The following CACNA1E variants were observed in gnomAD, a reference collection of about 807,000 sequenced individuals.
CACNA1E encodes voltage-dependent R-type calcium channel subunit alpha-1E.
CACNA1E carries 40 observed loss-of-function variants against 259.2 expected under a neutral mutation model. The observed-to-expected ratio is 0.15, with a 90% CI of 0.12 to 0.20. The LOEUF is 0.20. Ranked by LOEUF, CACNA1E falls within the 10% of genes least tolerant of loss-of-function variation. The pLI, the probability that CACNA1E is intolerant of heterozygous loss-of-function variation, is 1.00. For missense variants in CACNA1E, 1,874 were observed against 3,040.1 expected (o/e 0.62, Z 9.02); for synonymous variants, 1,104 against 1,138.5 (o/e 0.97, Z 0.61).
chr1:181,747,668 G>C (rs565905814), intron 25 of CACNA1E, among the ~76,000 whole-genome samples: 1 of 152,152 alleles, frequency 6.6e-6, no homozygotes, highest in Non-Finnish European at 1.5e-5. Context: ...TTATAATTTA[G>C]TATCAGAGAC....
chr1:181,697,984 C>T (rs1350224491), intron 7 of CACNA1E, among the ~76,000 whole-genome samples: 1 of 152,176 alleles, frequency 6.6e-6, no homozygotes, highest in East Asian at 1.9e-4. Flanking sequence ...CTTCCACCCT[C>T]GTGCATGTCT....
At chr1:181,513,406 A>G (rs898828454) in intron 3 of CACNA1E, among the ~76,000 whole-genome samples, 1 of 152,246 alleles carries the variant, frequency 6.6e-6, no homozygotes, top group Non-Finnish European at 1.5e-5. Flanking sequence ...CAGTTTGTTA[A>G]GTAGATGTAC....
chr1:181,328,156 G>C (rs1381294726), intron 1 of CACNA1E, among the ~76,000 whole-genome samples: 1 of 152,196 alleles, frequency 6.6e-6, no homozygotes, highest in Non-Finnish European at 1.5e-5. Flanking sequence ...TGGAGGCTGG[G>C]AAGTCTGATA....
At chr1:181,611,603 G>A (rs969523424) in intron 6 of CACNA1E, among the ~76,000 whole-genome samples, 7 of 152,110 alleles carry the variant, frequency 4.6e-5, no homozygotes, top group Non-Finnish European at 1.0e-4. Flanking sequence ...GTGAGTTCAT[G>A]CATGATGTGG....
At position 181,718,880 on chromosome 1, in the gene CACNA1E, G is replaced by A. The variant is rs1459152712; in HGVS notation, c.1638+713G>A. On this transcript the variant is annotated intron_variant, in intron 12 of 47. Transcript: ENST00000367573. Reference sequence around the variant, plus strand: ...TACACAAGAATAAATAGAAGCTACCGTGCCCAAGTTCATATACCCAGTTAG... The same window carrying A: ...TACACAAGAATAAATAGAAGCTACCATGCCCAAGTTCATATACCCAGTTAG... 2.6e-5 allele frequency among the ~76,000 whole-genome samples: 4 copies of A among 152,194 alleles called. No homozygotes were observed. In the East Asian group the frequency reaches 5.8e-4, roughly 22 times the overall value.
chr1:181,727,136 T>G (rs1186428007), intron 18 of CACNA1E, among the ~76,000 whole-genome samples: 1 of 152,132 alleles, frequency 6.6e-6, no homozygotes, highest in African/African-American at 2.4e-5. Context: ...AAGTCAGAAT[T>G]AAAACAATGA....
intron 1 of CACNA1E, among the ~76,000 whole-genome samples, chr1:181,363,737 G>C (rs1654062119): frequency 6.6e-6 from 1 of 152,204 alleles, no homozygotes; most frequent in Non-Finnish European, 1.5e-5. Flanking sequence ...CTCTCTGCAT[G>C]ATGATGTGGG....
At chr1:181,661,475 G>A (rs1316774172) in intron 7 of CACNA1E, among the ~76,000 whole-genome samples, 1 of 152,096 alleles carries the variant, frequency 6.6e-6, no homozygotes, top group Non-Finnish European at 1.5e-5. Flanking sequence ...TCAGAGGGAA[G>A]TCTTCTGGAT....
intron 1 of CACNA1E, among the ~76,000 whole-genome samples, chr1:181,319,828 C>T (rs985157978): frequency 5.9e-5 from 9 of 152,182 alleles, no homozygotes; most frequent in Non-Finnish European, 1.2e-4. Context: ...GATCTTGCAT[C>T]GTTTTTCCTG....
At chr1:181,612,981 G>A (rs1171263309) in intron 6 of CACNA1E, among the ~76,000 whole-genome samples, 1 of 118,178 alleles carries the variant, frequency 8.5e-6, no homozygotes, top group Admixed American at 8.4e-5. Flanking sequence ...AATTGACCTA[G>A]CACTATTTAT....
intron 40 of CACNA1E, 103 bp downstream of exon 40, chr1:181,783,887 G>A (rs1660637784): frequency 2.7e-6 from 2 of 752,450 alleles, no homozygotes; most frequent in Non-Finnish European, 4.8e-6. Flanking sequence ...TCCAGTTAAG[G>A]ACACAATAAT....
intron 40 of CACNA1E, among the ~76,000 whole-genome samples, chr1:181,784,160 G>A (rs889017291): frequency 2.0e-5 from 3 of 152,178 alleles, no homozygotes; most frequent in East Asian, 3.8e-4. Flanking sequence ...CCATGGTAGT[G>A]TTTTATTCCT....
At chr1:181,458,802 T>C (rs569340217) in intron 2 of CACNA1E, among the ~76,000 whole-genome samples, 3 of 152,108 alleles carry the variant, frequency 2.0e-5, no homozygotes, top group Non-Finnish European at 2.9e-5. Flanking sequence ...TTTCACATGA[T>C]ACATTTTAAA....
At chr1:181,751,368 C>T (rs920053911) in intron 26 of CACNA1E, among the ~76,000 whole-genome samples, 1 of 152,178 alleles carries the variant, frequency 6.6e-6, no homozygotes, top group Non-Finnish European at 1.5e-5. Context: ...GTAGGCTGGG[C>T]CTGCAGTTTG....
chr1:181,796,985 A>T (rs1013073151), intron 47 of CACNA1E, 127 bp downstream of exon 47: 2 of 639,046 alleles, frequency 3.1e-6, no homozygotes, highest in Middle Eastern at 4.3e-4. Context: ...TTTCACAGGA[A>T]GCTATACCTA....
chr1:181,403,458 A>G (rs1261440411), intron 1 of CACNA1E, among the ~76,000 whole-genome samples: 2 of 151,918 alleles, frequency 1.3e-5, no homozygotes, highest in South Asian at 2.1e-4. Flanking sequence ...TGCTTGCCCA[A>G]TTGAACTTAA....
In CACNA1E at chr1:181,360,737, A is replaced by G. The variant is rs1571660747; in HGVS notation, c.-15+42614A>G. 2.0e-5 allele frequency among the ~76,000 whole-genome samples: 3 copies of G among 152,352 alleles called. No homozygotes were observed. In the South Asian group the frequency reaches 6.2e-4, roughly 32 times the overall value. Reference sequence around the variant, plus strand: ...ACTTTAAGGTGGTGAATTTTATGTTAAGTGAATTATATTTCAATTTTGAGT... The same window carrying G: ...ACTTTAAGGTGGTGAATTTTATGTTGAGTGAATTATATTTCAATTTTGAGT... On this transcript the variant is annotated intron_variant, in intron 1 of 11. Transcript: ENST00000524607.
intron 2 of CACNA1E, among the ~76,000 whole-genome samples, chr1:181,468,440 A>G (rs1030107374): frequency 5.9e-5 from 9 of 152,176 alleles, no homozygotes; most frequent in African/African-American, 2.2e-4. Flanking sequence ...TAAGGAGTCC[A>G]TGTCCTGCTT....
intron 1 of CACNA1E, among the ~76,000 whole-genome samples, chr1:181,406,021 T>C (rs1046846421): frequency 2.0e-5 from 3 of 152,254 alleles, no homozygotes; most frequent in Non-Finnish European, 2.9e-5. Context: ...AGTTGTGTAG[T>C]TGCAACTAAG....
Sources: gnomAD v4.1 joint callset for allele counts (sites outside exome capture counted in the v4.1 genomes callset) on GRCh38, gnomAD v4.1.1 for gene constraint, MANE v1.5 for transcripts, NCBI Gene and HGNC (gene_info 2026-07-23, HGNC 2026-07-21) for gene names.